Variants in DZIP3 observed in about 807,000 individuals in gnomAD.
DZIP3 encodes the protein E3 ubiquitin-protein ligase DZIP3.
Under a neutral mutation model 162.0 loss-of-function variants are expected in DZIP3, and 118 were observed. The ratio of observed to expected loss-of-function variants is 0.73; its 90% CI spans 0.63 to 0.85. The LOEUF is 0.85. DZIP3 is among the 40% of genes least tolerant of loss of function. DZIP3 has a pLI of 0.00. For missense variants in DZIP3, 1,331 were observed against 1,407.0 expected, an observed-to-expected ratio of 0.95 and a Z score of 0.86; for synonymous variants, 438 against 458.6, an observed-to-expected ratio of 0.96 and a Z score of 0.57.
In DZIP3 at chr3:108,624,502, T is replaced by C; in HGVS notation, c.434T>C (p.Leu145Pro). ...LTLLFLYGVA[L>P]TERGKKEDYT... ...TTACTGTTTTTATATGGAGTAGCAC[T>C]CACTGAAAGAGGAAAGAAAGAGGTA... The change falls in exon 6 of 33, where the codon CTC becomes CCC. Residue 145 changes from leucine to proline, a missense_variant. Physicochemically the swap from Leu to Pro is moderately conservative, Grantham distance 98. Around this residue, in one of 2 missense-constraint regions of DZIP3, gnomAD observed 1,278 missense variants for 1,317.1 expected, o/e 0.97. Coordinates refer to ENST00000361582, the MANE Select transcript of DZIP3 (RefSeq NM_014648.4). The C allele has an allele frequency of 6.3e-7, 1 of 1,585,452 alleles. No homozygotes were observed. Among genetic ancestry groups the C allele is most frequent in the Non-Finnish European group, 8.6e-7 (1 of 1,162,166 alleles).
intron 1 of DZIP3, among the ~76,000 whole-genome samples, chr3:108,594,453 A>G (rs912059108): frequency 2.7e-5 from 3 of 112,162 alleles, no homozygotes; most frequent in African/African-American, 1.0e-4. Context: ...ATATATATAT[A>G]ACTTTCAAGT....
chr3:108,598,548 T>C (rs899557708), intron 1 of DZIP3, among the ~76,000 whole-genome samples: 1 of 152,150 alleles, frequency 6.6e-6, no homozygotes, highest in African/African-American at 2.4e-5. Context: ...ATGTATGCTT[T>C]TCTGAGATAA....
chr3:108,592,685 A>T (rs935374017), intron 1 of DZIP3, among the ~76,000 whole-genome samples: 10 of 150,892 alleles, frequency 6.6e-5, no homozygotes, highest in Admixed American at 1.3e-4. Flanking sequence ...AATGTGGGCA[A>T]CAGGAGGGAG....
In DZIP3 at chr3:108,633,029, A is replaced by G; in HGVS notation, c.773A>G (p.Glu258Gly). 6.7e-7 allele frequency: 1 copy of G among 1,501,622 alleles called. No individual in the cohort carries two copies. Among genetic ancestry groups the G allele is most frequent in the Non-Finnish European group, 8.9e-7 (1 of 1,121,552 alleles). 93.0% of individuals were successfully genotyped at this position (1,501,622 alleles called of 1,614,324 possible). Residue 258 changes from glutamate (E) to glycine (G), a missense_variant, in exon 9 of 33, where the codon GAA becomes GGA. This residue lies in a region of DZIP3 where 1,278 missense variants were observed against 1,317.1 expected (regional missense o/e 0.97). Transcript: ENST00000361582. ...ACGATTTGTAGTTACCTAGATTGTG[A>G]ACGATCTTGTGAAGCTGACATTTTG... ...KQTICSYLDCERSCEADILKN... is the reference protein window; with the variant it reads ...KQTICSYLDCGRSCEADILKN...
At chr3:108,622,836 GTCTCTCTCTCTCTCTCTCTC>G (rs368466391) in intron 5 of DZIP3, among the ~76,000 whole-genome samples, 3 of 62,840 alleles carry the variant, frequency 4.8e-5, no homozygotes, top group East Asian at 9.6e-4. Context: ...AACAAACAGA[GTCTCTCTCTCTCTCTCTCTC>G]TCTCTCTCTC....
intron 19 of DZIP3, among the ~76,000 whole-genome samples, chr3:108,659,540 G>A (rs1943317547): frequency 1.3e-5 from 2 of 152,024 alleles, no homozygotes; most frequent in Admixed American, 6.6e-5. Context: ...CATACTGAAT[G>A]GGCAAAAACT....
chr3:108,689,038 C>A, intron 31 of DZIP3, 114 bp downstream of exon 31: 1 of 1,033,226 alleles, frequency 9.7e-7, no homozygotes, highest in Non-Finnish European at 1.5e-6. Context: ...CTGGATATAA[C>A]TCTGAGCTTT....
intron 21 of DZIP3, 83 bp from the exon 22 acceptor site, chr3:108,669,598 C>A: frequency 7.9e-7 from 1 of 1,271,578 alleles, no homozygotes; most frequent in Non-Finnish European, 1.1e-6. Flanking sequence ...TTATCTCCTC[C>A]ACAGCTGTAG....
intron 18 of DZIP3, among the ~76,000 whole-genome samples, chr3:108,652,944 AATGACAC>A (rs1290729261): frequency 5.3e-5 from 8 of 152,106 alleles, no homozygotes; most frequent in African/African-American, 1.7e-4. Context: ...AAAAGCGCTT[AATGACAC>A]ATTTCTCAGA....
At chr3:108,607,074 T>C (rs1940420334) in intron 2 of DZIP3, among the ~76,000 whole-genome samples, 1 of 152,184 alleles carries the variant, frequency 6.6e-6, no homozygotes, top group Non-Finnish European at 1.5e-5. Flanking sequence ...TGCTTTATTT[T>C]TTGTAGGGCA....
chr3:108,683,070 C>G (rs1016552114), intron 26 of DZIP3, among the ~76,000 whole-genome samples: 9 of 150,586 alleles, frequency 6.0e-5, no homozygotes, highest in African/African-American at 2.2e-4. Context: ...TCAGCATTAT[C>G]AATATATTGT....
At chr3:108,669,963 A>ACTTT (rs1943865750) in intron 22 of DZIP3, among the ~76,000 whole-genome samples, 1 of 151,904 alleles carries the variant, frequency 6.6e-6, no homozygotes, top group Non-Finnish European at 1.5e-5. Flanking sequence ...CTGACTCTAG[A>ACTTT]AAACTGCTAG....
intron 16 of DZIP3, 188 bp from the exon 17 acceptor site, chr3:108,648,730 A>G (rs1942737079): frequency 3.6e-6 from 1 of 279,690 alleles, no homozygotes; most frequent in African/African-American, 2.3e-5. Context: ...GTGATTATTT[A>G]AGGACAGAAG....
intron 22 of DZIP3, among the ~76,000 whole-genome samples, chr3:108,670,921 T>C (rs1943906000): frequency 6.6e-6 from 1 of 151,912 alleles, no homozygotes; most frequent in African/African-American, 2.4e-5. Flanking sequence ...TGGCCAGTTA[T>C]TTATCTTCTT....
At chr3:108,595,520 G>A (rs1217882457) in intron 1 of DZIP3, among the ~76,000 whole-genome samples, 1 of 152,062 alleles carries the variant, frequency 6.6e-6, no homozygotes, top group Non-Finnish European at 1.5e-5. Flanking sequence ...CACCTGTAAA[G>A]TTTTATTACT....
intron 29 of DZIP3, 27 bp downstream of exon 29, chr3:108,688,123 C>A (rs1313800992): frequency 6.2e-7 from 1 of 1,611,600 alleles, no homozygotes; most frequent in African/African-American, 1.3e-5. Context: ...ACCAAAAAAC[C>A]TGTATCTCTC....
In DZIP3 at chr3:108,691,404, A is replaced by C. The variant is rs181211589; in HGVS notation, c.*6+501A>C. On this transcript the variant is annotated intron_variant, in intron 32 of 32. Coordinates refer to ENST00000361582, the MANE Select transcript of DZIP3 (RefSeq NM_014648.4). ...AATAATAATAAAAGAAAAAAAAAAG[A>C]AAGTAAAAAAAAAAAAAGAAGTGGA... 145 of 150,994 alleles carry C rather than the reference A, an allele frequency of 9.6e-4. 1 individual carries two copies. Among genetic ancestry groups the C allele is most frequent in the African/African-American group, 3.0e-3 (121 of 40,678 alleles). 9.4% of individuals were successfully genotyped at this position (150,994 alleles called of 1,614,324 possible). A position where few individuals can be genotyped will look rare whatever the true frequency, so the allele number is the denominator to read the frequency against.
chr3:108,637,654 T>TTGAAGGTAGTA, intron 12 of DZIP3, 106 bp downstream of exon 12: 9 of 779,802 alleles, frequency 1.2e-5, no homozygotes, highest in Non-Finnish European at 1.4e-5. Context: ...TGCATTAAAT[T>TTGAAGGTAGTA]TTAAGGTATG....
chr3:108,592,454 G>A (rs1255421305), intron 1 of DZIP3, among the ~76,000 whole-genome samples: 1 of 152,096 alleles, frequency 6.6e-6, no homozygotes, highest in East Asian at 1.9e-4. Context: ...AGCACTTTGG[G>A]AGGCTGAGGC....
Sources: allele counts gnomAD v4.1 joint callset (sites outside exome capture counted in the v4.1 genomes callset), GRCh38; gene constraint gnomAD v4.1.1; regional missense constraint gnomAD v4.1.1; transcripts MANE v1.5; gene names NCBI Gene and HGNC (gene_info 2026-07-23, HGNC 2026-07-21).